IL1RAPL2: variants seen among roughly 807,000 people sequenced by gnomAD.
IL1RAPL2 encodes the protein X-linked interleukin-1 receptor accessory protein-like 2.
A neutral mutation model predicts 44.1 loss-of-function variants in IL1RAPL2; 3 were observed. The observed-to-expected ratio is 0.07, with a 90% confidence interval of 0.03 to 0.18. IL1RAPL2 has a LOEUF of 0.18. Among genes scored for constraint, IL1RAPL2 ranks in the 10% least tolerant of loss-of-function variants. The pLI is 1.00. For synonymous variants in IL1RAPL2, 181 were observed against 178.8 expected (o/e 1.01, Z -0.10); for missense variants, 391 against 496.4 (o/e 0.79, Z 2.02).
At chrX:105,492,603 C>CAGT (rs1247324516) in intron 6 of IL1RAPL2, among the ~76,000 whole-genome samples, 2 of 108,614 alleles carry the variant, frequency 1.8e-5, no homozygotes, top group Middle Eastern at 4.8e-3. Context: ...GTGATAATAT[C>CAGT]AGTAGTAGTA....
intron 2 of IL1RAPL2, among the ~76,000 whole-genome samples, chrX:105,032,849 G>A (rs1189855493): frequency 1.8e-5 from 2 of 111,151 alleles, no homozygotes; most frequent in African/African-American, 3.3e-5. Context: ...CATTATTATT[G>A]TGTGGGAGTC....
Position 105,081,888 on chromosome X carries a change from G to A in IL1RAPL2, c.83-113587G>A, listed in dbSNP as rs190372989. 4.3e-3 allele frequency among the ~76,000 whole-genome samples: 481 copies of A among 112,054 alleles called. 3 individuals are homozygous for A. Among genetic ancestry groups the A allele is most frequent in the Non-Finnish European group, 5.5e-3 (293 of 53,240 alleles). On this transcript the variant is annotated intron_variant, in intron 2 of 10. Coordinates refer to ENST00000372582, the MANE Select transcript of IL1RAPL2 (RefSeq NM_017416.2). Reference sequence around the variant, plus strand: ...GGATTTAGTTTGTCAGTATTTTACTGAGGATTTTCGCATCAAAGTTCATCA... The same window carrying A: ...GGATTTAGTTTGTCAGTATTTTACTAAGGATTTTCGCATCAAAGTTCATCA...
At chrX:105,071,896 C>G (rs2032211714) in intron 2 of IL1RAPL2, among the ~76,000 whole-genome samples, 1 of 111,471 alleles carries the variant, frequency 9.0e-6, no homozygotes, top group African/African-American at 3.3e-5. Context: ...AATATAAGAC[C>G]TAAAATTGTA....
At chrX:105,316,898 G>T (rs1437252505) in intron 5 of IL1RAPL2, among the ~76,000 whole-genome samples, 1 of 110,536 alleles carries the variant, frequency 9.0e-6, no homozygotes. Context: ...AAGGTTGAAG[G>T]TCTCCAGTAA....
Position 105,016,896 on chromosome X carries a change from C to T in IL1RAPL2, c.83-178579C>T, listed in dbSNP as rs962004841. Among the ~76,000 whole-genome samples the T allele has an allele frequency of 5.4e-5, 6 of 111,491 alleles. No homozygotes were observed. In the Admixed American group the frequency reaches 5.7e-4, roughly 11 times the overall value. The stretch of plus-strand genomic sequence containing the variant: ...ATAGTTTCAGAAGGAATGGTACCAG[C>T]TCCTATTTGTACCTCAGATAGAATT... On this transcript the variant is annotated intron_variant, in intron 2 of 10. Coordinates refer to ENST00000372582, the MANE Select transcript of IL1RAPL2 (RefSeq NM_017416.2).
intron 6 of IL1RAPL2, among the ~76,000 whole-genome samples, chrX:105,599,244 G>A (rs1418674254): frequency 8.9e-6 from 1 of 112,078 alleles, no homozygotes; most frequent in Non-Finnish European, 1.9e-5. Context: ...AGACTGAATT[G>A]CCTAATAGGG....
intron 2 of IL1RAPL2, among the ~76,000 whole-genome samples, chrX:104,852,110 G>A (rs1242805023): frequency 5.4e-5 from 6 of 111,412 alleles, no homozygotes; most frequent in African/African-American, 2.0e-4. Context: ...CAGAAAGGGA[G>A]ACTCTCTAAA....
intron 2 of IL1RAPL2, among the ~76,000 whole-genome samples, chrX:104,956,637 G>T (rs1463617756): frequency 1.8e-5 from 2 of 110,519 alleles, no homozygotes; most frequent in African/African-American, 3.3e-5. Flanking sequence ...ACTCCATCTC[G>T]AAAAGAAAAA....
chrX:105,278,332 G>A (rs370659817), intron 5 of IL1RAPL2, among the ~76,000 whole-genome samples: 14 of 111,554 alleles, frequency 1.3e-4, no homozygotes, highest in African/African-American at 4.6e-4. Flanking sequence ...CTGACACCAA[G>A]TTAGTGCTGG....
chrX:104,931,994 A>AT (rs758080790), intron 2 of IL1RAPL2, among the ~76,000 whole-genome samples: 7,730 of 57,767 alleles, frequency 0.13, 366 homozygotes, highest in African/African-American at 0.19. Context: ...ATATATATAT[A>AT]TATTTTTTTT....
chrX:104,780,685 T>C (rs1222486011), intron 2 of IL1RAPL2, among the ~76,000 whole-genome samples: 1 of 112,017 alleles, frequency 8.9e-6, no homozygotes, highest in East Asian at 2.8e-4. Flanking sequence ...GCTGACAACA[T>C]GTTCCTATTT....
At chrX:105,155,606 G>A (rs2033262527) in intron 2 of IL1RAPL2, among the ~76,000 whole-genome samples, 2 of 111,397 alleles carry the variant, frequency 1.8e-5, no homozygotes, top group South Asian at 3.8e-4. Context: ...TCAGGAAGAT[G>A]AATCTGGCAG....
intron 7 of IL1RAPL2, among the ~76,000 whole-genome samples, chrX:105,724,330 A>T (rs1052098088): frequency 9.0e-6 from 1 of 111,135 alleles, no homozygotes; most frequent in Admixed American, 9.6e-5. Flanking sequence ...ATAGCATTTT[A>T]GATCAAATCC....
At chrX:105,031,471 C>G (rs1310430908) in intron 2 of IL1RAPL2, among the ~76,000 whole-genome samples, 2 of 111,700 alleles carry the variant, frequency 1.8e-5, no homozygotes, top group African/African-American at 6.5e-5. Flanking sequence ...TGAATTTTGT[C>G]AAAGGCCTTT....
intron 4 of IL1RAPL2, among the ~76,000 whole-genome samples, chrX:105,235,331 C>T (rs1353532962): frequency 8.9e-6 from 1 of 111,907 alleles, no homozygotes; most frequent in East Asian, 2.8e-4. Flanking sequence ...CTCTGAACCA[C>T]AGCAATTGAC....
chrX:105,357,431 A>G (rs2035211363), intron 5 of IL1RAPL2, among the ~76,000 whole-genome samples: 1 of 111,826 alleles, frequency 8.9e-6, no homozygotes, highest in African/African-American at 3.2e-5. Context: ...TATTTTCAGT[A>G]GAATGCTTAT....
chrX:104,887,713 C>T (rs894751026), intron 2 of IL1RAPL2, among the ~76,000 whole-genome samples: 2 of 111,755 alleles, frequency 1.8e-5, no homozygotes, highest in Non-Finnish European at 3.8e-5. Flanking sequence ...GCATGACTGC[C>T]ACAAATTATA....
chrX:104,912,880 A>G (rs759006212), intron 2 of IL1RAPL2, among the ~76,000 whole-genome samples: 1 of 112,369 alleles, frequency 8.9e-6, no homozygotes, highest in Admixed American at 9.4e-5. Flanking sequence ...TGAGACTGTG[A>G]CTGTGCCAGT....
chrX:104,886,172 T>G (rs1164013044), intron 2 of IL1RAPL2, among the ~76,000 whole-genome samples: 1 of 112,957 alleles, frequency 8.9e-6, no homozygotes, highest in Non-Finnish European at 1.9e-5. Context: ...ATTGGGAGAC[T>G]TTGCTCTTTT....
Sources: allele counts gnomAD v4.1 joint callset (sites outside exome capture counted in the v4.1 genomes callset), GRCh38; gene constraint gnomAD v4.1.1; transcripts MANE v1.5; gene names NCBI Gene and HGNC (gene_info 2026-07-23, HGNC 2026-07-21).